TLN2: variants seen among roughly 807,000 people sequenced by gnomAD.
TLN2 encodes the protein talin-2.
TLN2 carries 118 observed loss-of-function variants against 294.7 expected under a neutral mutation model. That is an observed-to-expected ratio of 0.40 (90% confidence interval 0.34 to 0.47). The LOEUF is 0.47. Ranked by LOEUF, TLN2 falls within the 20% of genes least tolerant of loss-of-function variation. The probability of loss-of-function intolerance (pLI) is 0.84; values close to 1 mark genes in which losing one functional copy is unlikely to be tolerated. For synonymous variants in TLN2, 1,431 were observed against 1,304.5 expected (o/e 1.10, Z -2.09); for missense variants, 3,083 against 3,282.2 (o/e 0.94, Z 1.48).
intron 58 of TLN2, 98 bp from the exon 59 acceptor site, chr15:62,840,384 A>G: frequency 6.6e-7 from 1 of 1,520,678 alleles, no homozygotes; most frequent in Non-Finnish European, 8.9e-7. Flanking sequence ...GCAGTGTCCC[A>G]CGGTCGCGGG....
At chr15:62,416,962 G>A (rs140359152) in intron 1 of TLN2, among the ~76,000 whole-genome samples, 308 of 152,224 alleles carry the variant, frequency 2.0e-3, no homozygotes, top group African/African-American at 7.2e-3. Context: ...CCATTTCTCC[G>A]CTTCCTATCT....
intron 1 of TLN2, among the ~76,000 whole-genome samples, chr15:62,455,264 G>A (rs1255243779): frequency 1.3e-5 from 2 of 151,964 alleles, no homozygotes; most frequent in African/African-American, 4.8e-5. Context: ...TGAGGAGAGA[G>A]GTGCTCGATG....
At chr15:62,569,103 C>G (rs955184763) in intron 1 of TLN2, among the ~76,000 whole-genome samples, 17 of 152,218 alleles carry the variant, frequency 1.1e-4, no homozygotes, top group African/African-American at 1.9e-4. Flanking sequence ...CACTCTGCCT[C>G]TGTCTTCATA....
intron 12 of TLN2, among the ~76,000 whole-genome samples, chr15:62,687,210 C>T (rs904190105): frequency 4.6e-5 from 7 of 152,166 alleles, no homozygotes; most frequent in African/African-American, 1.7e-4. Context: ...GGAATGTTTT[C>T]CCAGCCTGCC....
At chr15:62,767,526 A>G (rs1461659101) in intron 41 of TLN2, among the ~76,000 whole-genome samples, 8 of 151,922 alleles carry the variant, frequency 5.3e-5, no homozygotes, top group Admixed American at 5.2e-4. Context: ...ATTAGTAGAG[A>G]CGGGGTTTCT....
intron 36 of TLN2, chr15:62,754,875 G>T (rs1019224167): frequency 1.3e-5 from 2 of 152,200 alleles, no homozygotes; most frequent in Non-Finnish European, 2.9e-5. Context: ...GCCCTCCATG[G>T]ATGAGGAGGG....
chr15:62,788,262 G>T (rs959630465), intron 45 of TLN2, among the ~76,000 whole-genome samples: 1 of 151,904 alleles, frequency 6.6e-6, no homozygotes, highest in Non-Finnish European at 1.5e-5. Context: ...AGTGAGCCAA[G>T]ATCGCACCAT....
chr15:62,397,552 C>T (rs1290334990), intron 1 of TLN2, among the ~76,000 whole-genome samples: 1 of 152,188 alleles, frequency 6.6e-6, no homozygotes, highest in East Asian at 1.9e-4. Context: ...GTGTGAGCCA[C>T]CACACCCTGC....
At chr15:62,493,839 GACCTCAGGT>G (rs2038877612) in intron 1 of TLN2, among the ~76,000 whole-genome samples, 1 of 152,128 alleles carries the variant, frequency 6.6e-6, no homozygotes. Context: ...TCGATCTCCT[GACCTCAGGT>G]GATCCACCCA....
At chr15:62,790,365 G>A (rs1475744622) in intron 45 of TLN2, among the ~76,000 whole-genome samples, 1 of 152,124 alleles carries the variant, frequency 6.6e-6, no homozygotes, top group African/African-American at 2.4e-5. Flanking sequence ...CTGCTAAGTC[G>A]AAAAATCAAA....
intron 12 of TLN2, among the ~76,000 whole-genome samples, chr15:62,692,183 C>T (rs1595680326): frequency 6.6e-6 from 1 of 152,206 alleles, no homozygotes; most frequent in East Asian, 1.9e-4. Flanking sequence ...TCGATGAAGG[C>T]AGAAGGCACT....
chr15:62,706,934 C>G lies in TLN2; in HGVS notation c.2005-152C>G, dbSNP rs375571258. Reference sequence around the variant, plus strand: ...TACAAGTCTCCTTTTTTAATTACTTCTAAGGATAAGTTGACATTTCAAAAA... The same window carrying G: ...TACAAGTCTCCTTTTTTAATTACTTGTAAGGATAAGTTGACATTTCAAAAA... On this transcript the variant is annotated intron_variant, in intron 19 of 58. Transcript: ENST00000636159. The G allele has an allele frequency of 1.8e-4, 159 of 886,220 alleles. No homozygotes were observed. The African/African-American group carries it at 2.3e-3, about 13-fold the overall frequency. 54.9% of individuals were successfully genotyped at this position (886,220 alleles called of 1,614,324 possible). A position where few individuals can be genotyped will look rare whatever the true frequency, so the allele number is the denominator to read the frequency against.
intron 3 of TLN2, among the ~76,000 whole-genome samples, chr15:62,641,086 G>A (rs543042234): frequency 1.5e-3 from 232 of 152,152 alleles, no homozygotes; most frequent in African/African-American, 5.4e-3. Context: ...ACAGGCATGA[G>A]CCACTGCACC....
intron 1 of TLN2, among the ~76,000 whole-genome samples, chr15:62,560,734 G>C (rs1221866882): frequency 6.6e-6 from 1 of 152,234 alleles, no homozygotes; most frequent in Non-Finnish European, 1.5e-5. Flanking sequence ...CCCCTGCCCT[G>C]CTCCTCAGCC....
At chr15:62,703,060 G>A (rs983228626) in intron 19 of TLN2, among the ~76,000 whole-genome samples, 196 bp downstream of exon 19, 1 of 151,704 alleles carries the variant, frequency 6.6e-6, no homozygotes, top group African/African-American at 2.4e-5. Flanking sequence ...TCATTTCACT[G>A]CCACCATGCG....
At chr15:62,835,044 C>T (rs1339673350) in intron 55 of TLN2, 1 of 152,174 alleles carries the variant, frequency 6.6e-6, no homozygotes, top group Non-Finnish European at 1.5e-5. Flanking sequence ...TTATTGCTGA[C>T]ACACCCCCAA....
At chr15:62,606,263 T>TG (rs2047434656) in intron 2 of TLN2, among the ~76,000 whole-genome samples, 1 of 150,528 alleles carries the variant, frequency 6.6e-6, no homozygotes, top group South Asian at 2.1e-4. Flanking sequence ...TTTTTTTTTT[T>TG]GTATTTTTAG....
At chr15:62,732,967 T>C (rs2060812086) in intron 28 of TLN2, among the ~76,000 whole-genome samples, 1 of 152,196 alleles carries the variant, frequency 6.6e-6, no homozygotes, top group Non-Finnish European at 1.5e-5. Flanking sequence ...GCTAAATCTT[T>C]GGCTCTGAAA....
intron 1 of TLN2, among the ~76,000 whole-genome samples, chr15:62,508,392 T>G (rs1353117174): frequency 6.6e-6 from 1 of 152,070 alleles, no homozygotes; most frequent in Non-Finnish European, 1.5e-5. Flanking sequence ...AATTTTTGTA[T>G]TTTTAGTAGA....
Sources: allele counts gnomAD v4.1 joint callset (sites outside exome capture counted in the v4.1 genomes callset), GRCh38; gene constraint gnomAD v4.1.1; transcripts MANE v1.5; gene names NCBI Gene and HGNC (gene_info 2026-07-23, HGNC 2026-07-21).